The following ZNF316 variants were observed in gnomAD, a reference collection of about 807,000 sequenced individuals.
The protein encoded by ZNF316 is zinc finger protein 316.
ZNF316 carries 23 observed loss-of-function variants against 75.6 expected under a neutral mutation model. The ratio of observed to expected loss-of-function variants is 0.30; its 90% confidence interval spans 0.22 to 0.43. The LOEUF is 0.43. Ranked by LOEUF, ZNF316 falls within the 20% of genes least tolerant of loss-of-function variation. The probability of loss-of-function intolerance (pLI) is 1.00; values close to 1 mark genes in which losing one functional copy is unlikely to be tolerated. For missense variants in ZNF316, 1,266 were observed against 1,409.4 expected (o/e 0.90, Z 1.63); for synonymous variants, 827 against 666.2 (o/e 1.24, Z -3.72).
intron 8 of ZNF316, among the ~76,000 whole-genome samples, chr7:6,647,018 G>A (rs1014088526): frequency 1.3e-5 from 2 of 152,042 alleles, no homozygotes; most frequent in African/African-American, 2.4e-5. Context: ...TTAGATCCCC[G>A]CCCTGGTTGA....
At chr7:6,646,453 C>T (rs1779404890) in intron 8 of ZNF316, among the ~76,000 whole-genome samples, 1 of 152,180 alleles carries the variant, frequency 6.6e-6, no homozygotes. Context: ...GAGCCTTGTG[C>T]AGGCTTGAGC....
At position 6,652,914 on chromosome 7, in the gene ZNF316, C is replaced by A; in HGVS notation, c.1318C>A (p.Arg440Ser). 8.1e-7 allele frequency: 1 copy of A among 1,239,708 alleles called. No individual in the cohort carries two copies. The highest frequency in any genetic ancestry group is 1.0e-6 in the Non-Finnish European group (1 of 991,510). The allele number at this position is 1,239,708 out of a possible 1,614,324, so 76.8% of individuals were successfully genotyped here. ...RCAFCGAGFGRRSYLVTHQRT... is the reference protein window; with the variant it reads ...RCAFCGAGFGSRSYLVTHQRT... Reference sequence around the variant, plus strand: ...CGCCTTCTGCGGCGCGGGCTTCGGGCGCCGCTCCTACCTGGTCACGCACCA... The same window carrying A: ...CGCCTTCTGCGGCGCGGGCTTCGGGAGCCGCTCCTACCTGGTCACGCACCA... The change falls in exon 9 of 9, where the codon CGC (arginine) becomes AGC (serine). Residue 440 changes from arginine (R) to serine (S), a missense_variant. Arg to Ser is a moderately radical substitution (Grantham distance 110). Around this residue, in one of 3 missense-constraint regions of ZNF316, gnomAD observed 961 missense variants for 990.9 expected, o/e 0.97. Coordinates refer to ENST00000382252, the MANE Select transcript of ZNF316 (RefSeq NM_001278559.2).
Position 6,638,549 on chromosome 7 carries a change from C to T in ZNF316, c.-266-493C>T, listed in dbSNP as rs148915268. Among the ~76,000 whole-genome samples the T allele has an allele frequency of 6.2e-3, 940 of 152,312 alleles. 13 individuals are homozygous for T. Among genetic ancestry groups the T allele is most frequent in the South Asian group, 0.054 (260 of 4,828 alleles). The stretch of plus-strand genomic sequence containing the variant: ...TTGCCTCTTCTTCCTGCCCTTGCCT[C>T]GCTCCCTTCTCCTCTTGGGAGATAC... On this transcript the variant is annotated intron_variant, in intron 2 of 8. Transcript: ENST00000382252.
rs1779322647 is a variant in ZNF316, at chr7:6,642,258, T to TC, written c.-28-123dup. The TC allele has an allele frequency of 2.4e-6, 1 of 424,112 alleles. No homozygotes were observed. The highest frequency in any genetic ancestry group is 2.0e-5 in the African/African-American group (1 of 49,076). 26.3% of individuals were successfully genotyped at this position (424,112 alleles called of 1,614,324 possible). On this transcript the variant is annotated intron_variant, in intron 4 of 8. Transcript: ENST00000382252. This position sits in a 1 kb window ranked among gnomAD's most constrained non-coding sequence, Gnocchi z 8.1. ...CGGTCCTCCCTCATCTCCATTGCCT[T>TC]CAACTACATAACAGGAGGAGTAAAT...
At position 6,657,642 on chromosome 7, in the gene ZNF316, T is replaced by C. The variant is rs1779650188; in HGVS notation, c.*3031T>C. On this transcript the variant is annotated 3_prime_UTR_variant, in exon 9 of 9. Coordinates refer to ENST00000382252, the MANE Select transcript of ZNF316 (RefSeq NM_001278559.2). Reference sequence around the variant, plus strand: ...AGATGGATTCCTTGAGCTCAGGAGTTCGAGGCCAGCTGGGACAACACGGCA... The same window carrying C: ...AGATGGATTCCTTGAGCTCAGGAGTCCGAGGCCAGCTGGGACAACACGGCA... 6.6e-6 allele frequency among the ~76,000 whole-genome samples: 1 copy of C among 151,938 alleles called. No homozygotes were observed.
intron 8 of ZNF316, among the ~76,000 whole-genome samples, chr7:6,650,918 C>T (rs528072867): frequency 8.0e-4 from 121 of 152,152 alleles, no homozygotes; most frequent in Non-Finnish European, 1.5e-3. Context: ...GGTGTTTGAG[C>T]CATCAACAGG....
Position 6,653,844 on chromosome 7 carries a change from C to A in ZNF316, c.2248C>A (p.Pro750Thr). Residue 750 changes from proline to threonine, a missense_variant, in exon 9 of 9, where the codon CCC becomes ACC. Physicochemically the swap from Pro to Thr is conservative, Grantham distance 38. Coordinates refer to ENST00000382252, the MANE Select transcript of ZNF316 (RefSeq NM_001278559.2). ...THTGERPFPC[P>T]ECGARFARGS... The stretch of plus-strand genomic sequence containing the variant: ...CACCGGCGAGCGGCCCTTCCCGTGC[C>A]CCGAGTGCGGCGCGCGGTTCGCCCG... 1 of 1,079,698 alleles carries A rather than the reference C, an allele frequency of 9.3e-7. No homozygotes were observed. 66.9% of individuals were successfully genotyped at this position (1,079,698 alleles called of 1,614,324 possible).
Position 6,653,781 on chromosome 7 carries a change from G to A in ZNF316, c.2185G>A (p.Val729Met). 9.2e-7 allele frequency: 1 copy of A among 1,086,122 alleles called. No individual in the cohort carries two copies. The highest frequency in any genetic ancestry group is 4.0e-4 in the Middle Eastern group (1 of 2,498). The allele number at this position is 1,086,122 out of a possible 1,614,324, so 67.3% of individuals were successfully genotyped here. Residue 729 changes from valine (V) to methionine (M), a missense_variant, in exon 9 of 9, where the codon GTG becomes ATG. Val to Met is a conservative substitution (Grantham distance 21). Around this residue, in one of 3 missense-constraint regions of ZNF316, gnomAD observed 194 missense variants for 319.2 expected, o/e 0.61. Transcript: ENST00000382252. The stretch of plus-strand genomic sequence containing the variant: ...CTGCGCCGACTGCGGCAAGAGCTTC[G>A]TGTACGGCTCGCACCTGGCGCGCCA... ...HRCADCGKSF[V>M]YGSHLARHRR...
chr7:6,639,894 C>G lies in ZNF316; in HGVS notation c.-167+753C>G, dbSNP rs552726151. ...TGGATTTCGACACTTTGGGCATCTT[C>G]ACACGCCAAAGAGCTGTGGACACTG... is the stretch of plus-strand genomic sequence containing the variant. On this transcript the variant is annotated intron_variant, in intron 3 of 8. Transcript: ENST00000382252. The surrounding 1 kb of genome is among the most constrained non-coding windows in gnomAD (Gnocchi z 4.2). 3.9e-5 allele frequency among the ~76,000 whole-genome samples: 6 copies of G among 152,180 alleles called. No individual in the cohort carries two copies. The South Asian group carries it at 1.2e-3, about 31-fold the overall frequency.
intron 8 of ZNF316, among the ~76,000 whole-genome samples, chr7:6,648,909 C>T (rs1297830862): frequency 6.6e-6 from 1 of 152,102 alleles, no homozygotes; most frequent in African/African-American, 2.4e-5. Context: ...TAGGGAGCAG[C>T]TGTGCCTGGT....
rs1779574774 is a variant in ZNF316 at position 6,654,299 on chromosome 7, G to A, written c.2703G>A (p.Val901=). The change falls in exon 9 of 9, where the codon GTG becomes GTA. Residue 901 remains valine, a synonymous_variant. Coordinates refer to ENST00000382252, the MANE Select transcript of ZNF316 (RefSeq NM_001278559.2). The part of the protein sequence containing the change: ...ECGKRFSQRS[V]LVTHQRTHTG... ...GCAAGCGCTTTTCGCAGCGCTCGGTGCTGGTCACGCACCAGCGCACACATA... is the reference window on the plus strand; with the variant it reads ...GCAAGCGCTTTTCGCAGCGCTCGGTACTGGTCACGCACCAGCGCACACATA... 1.6e-6 allele frequency: 2 copies of A among 1,223,726 alleles called. No homozygotes were observed. The highest frequency in any genetic ancestry group is 3.3e-5 in the East Asian group (1 of 30,738). 75.8% of individuals were successfully genotyped at this position (1,223,726 alleles called of 1,614,324 possible).
chr7:6,641,497 C>T (rs1392266407), intron 3 of ZNF316, among the ~76,000 whole-genome samples: 1 of 152,214 alleles, frequency 6.6e-6, no homozygotes, highest in Non-Finnish European at 1.5e-5. Flanking sequence ...GGCGAGGGGT[C>T]CCAGGGCCAG....
chr7:6,653,724 C>T lies in ZNF316; in HGVS notation c.2128C>T (p.Gln710Ter). Residue 710 changes from glutamine to a stop codon, truncating the protein, a stop_gained, in exon 9 of 9, where the codon CAG becomes TAG. Transcript: ENST00000382252. LOFTEE classifies it high-confidence loss of function. The stretch of plus-strand genomic sequence containing the variant: ...GCGCCGGGCCGCGCTGGCCAAGCAC[C>T]AGCGCTACCACGCGGGCGAGCGGCC... ...FGRRAALAKH[Q>*]RYHAGERPHR... is the part of the protein sequence containing the mutation. 9.1e-7 allele frequency: 1 copy of T among 1,100,564 alleles called. No individual in the cohort carries two copies. Among genetic ancestry groups the T allele is most frequent in the Non-Finnish European group, 1.1e-6 (1 of 902,302 alleles). 68.2% of individuals were successfully genotyped at this position (1,100,564 alleles called of 1,614,324 possible).
Position 6,642,723 on chromosome 7 carries a change from G to T in ZNF316, c.314G>T (p.Ser105Ile). Reference sequence around the variant, plus strand: ...GCGTTGGGGACCCAGGAGCGACTTAGCCGTGGTGGTGATGCCAAGTCCCCA... The same window carrying T: ...GCGTTGGGGACCCAGGAGCGACTTATCCGTGGTGGTGATGCCAAGTCCCCA... ...CPALGTQERL[S>I]RGGDAKSPVL... Residue 105 changes from serine (S) to isoleucine (I), a missense_variant, in exon 5 of 9, where the codon AGC becomes ATC. By Grantham distance (142) the Ser-to-Ile change is moderately radical (BLOSUM62 -2). Transcript: ENST00000382252. This position sits in a 1 kb window ranked among gnomAD's most constrained non-coding sequence, Gnocchi z 8.1. 8.1e-7 allele frequency: 1 copy of T among 1,233,968 alleles called. No homozygotes were observed. The highest frequency in any genetic ancestry group is 1.0e-6 in the Non-Finnish European group (1 of 989,168). 76.4% of individuals were successfully genotyped at this position (1,233,968 alleles called of 1,614,324 possible).
chr7:6,643,717 C>T (rs1779350956), intron 6 of ZNF316, 105 bp from the exon 7 acceptor site: 1 of 1,063,834 alleles, frequency 9.4e-7, no homozygotes, highest in Non-Finnish European at 1.2e-6. Flanking sequence ...ATCTGGGCAT[C>T]TGTGTCCCCT....
chr7:6,649,392 T>C (rs1015810250), intron 8 of ZNF316, among the ~76,000 whole-genome samples: 1 of 152,140 alleles, frequency 6.6e-6, no homozygotes, highest in Admixed American at 6.6e-5. Flanking sequence ...CCTCCAGCTG[T>C]TGAGAAACAT....
Position 6,653,109 on chromosome 7 carries a change from C to T in ZNF316, c.1513C>T (p.Arg505Cys), listed in dbSNP as rs1779542006. Residue 505 changes from arginine to cysteine, a missense_variant, in exon 9 of 9, where the codon CGC (arginine) becomes TGC (cysteine). Around this residue, in one of 3 missense-constraint regions of ZNF316, gnomAD observed 961 missense variants for 990.9 expected, o/e 0.97. Coordinates refer to ENST00000382252, the MANE Select transcript of ZNF316 (RefSeq NM_001278559.2). ...RLRADFQRHR[R>C]GGGCAEAGGD... ...GCGCGCCGACTTCCAGCGCCACCGA[C>T]GCGGCGGGGGCTGCGCGGAGGCGGG... The T allele has an allele frequency of 3.4e-6, 4 of 1,170,572 alleles. No homozygotes were observed. The highest frequency in any genetic ancestry group is 4.2e-6 in the Non-Finnish European group (4 of 949,450). The allele number at this position is 1,170,572 out of a possible 1,614,324, so 72.5% of individuals were successfully genotyped here. A position where few individuals can be genotyped will look rare whatever the true frequency, so the allele number is the denominator to read the frequency against.
chr7:6,642,515 GA>G lies in ZNF316; in HGVS notation c.110del (p.Lys37ArgfsTer15). The G allele has an allele frequency of 8.1e-7, 1 of 1,231,776 alleles. No homozygotes were observed. The highest frequency in any genetic ancestry group is 1.0e-6 in the Non-Finnish European group (1 of 986,760). The allele number at this position is 1,231,776 out of a possible 1,614,324, so 76.3% of individuals were successfully genotyped here. On this transcript the variant is annotated frameshift_variant, in exon 5 of 9. Coordinates refer to ENST00000382252, the MANE Select transcript of ZNF316 (RefSeq NM_001278559.2). LOFTEE classifies it high-confidence loss of function. The surrounding 1 kb of genome is among the most constrained non-coding windows in gnomAD (Gnocchi z 8.1). Reference sequence around the variant, plus strand: ...CCAGGAAGAAGAGGAGGAGGAGGAGGAAAAGGGGGAAGAGGTGCAGGAGGTG... The same window carrying G: ...CCAGGAAGAAGAGGAGGAGGAGGAGGAAAGGGGGAAGAGGTGCAGGAGGTG... ...PDQEEEEEEEEKGEEVQEVEE... is the reference protein window; with the variant it reads ...PDQEEEEEEEXKGEEVQEVEE...
rs6948246 is a variant in ZNF316 at position 6,643,028 on chromosome 7, G to C, written c.420G>C (p.Glu140Asp). The C allele has an allele frequency of 8.1e-7, 1 of 1,240,754 alleles. No individual in the cohort carries two copies. Among genetic ancestry groups the C allele is most frequent in the Non-Finnish European group, 1.0e-6 (1 of 993,452 alleles). 76.9% of individuals were successfully genotyped at this position (1,240,754 alleles called of 1,614,324 possible). A position where few individuals can be genotyped will look rare whatever the true frequency, so the allele number is the denominator to read the frequency against. Residue 140 changes from glutamate (E) to aspartate (D), a missense_variant, in exon 6 of 9, where the codon GAG becomes GAC. Transcript: ENST00000382252. ...RDEDLEEEEE[E>D]EEDEDEDDLL... ...AGGACCTGGAGGAGGAGGAAGAGGA[G>C]GAGGAGGATGAGGACGAGGATGATT...
Sources: gnomAD v4.1 joint callset for allele counts (sites outside exome capture counted in the v4.1 genomes callset) on GRCh38, gnomAD v4.1.1 for gene constraint, gnomAD v4.1.1 regional missense constraint, Gnocchi (gnomAD v3.1) non-coding constraint, MANE v1.5 for transcripts, NCBI Gene and HGNC (gene_info 2026-07-23, HGNC 2026-07-21) for gene names.